The following EPHA1 variants were observed in gnomAD, a reference collection of about 807,000 sequenced individuals.
The protein encoded by EPHA1 is EPH receptor A1.
A neutral mutation model predicts 110.1 loss-of-function variants in EPHA1; 92 were observed. The ratio of observed to expected loss-of-function variants is 0.84; its 90% CI spans 0.71 to 0.99. EPHA1 has a LOEUF of 0.99. Among genes scored for constraint, EPHA1 ranks in the 50% least tolerant of loss-of-function variants. The probability of loss-of-function intolerance (pLI) is 0.00; values close to 1 mark genes in which losing one functional copy is unlikely to be tolerated. For synonymous variants in EPHA1, 500 were observed against 516.1 expected (o/e 0.97, Z 0.42); for missense variants, 1,204 against 1,285.4 (o/e 0.94, Z 0.97).
intron 2 of EPHA1, 116 bp downstream of exon 2, chr7:143,407,495 G>T: frequency 9.8e-7 from 1 of 1,017,228 alleles, no homozygotes. Context: ...CCCCCTCCCT[G>T]AGGAGACACT....
Position 143,397,503 on chromosome 7 carries a change from T to C in EPHA1, c.1712+58A>G, listed in dbSNP as rs1805287062. 4.4e-6 allele frequency: 7 copies of C among 1,595,330 alleles called. No individual in the cohort carries two copies. The Admixed American group carries it at 1.2e-4, about 27-fold the overall frequency. On this transcript the variant is annotated intron_variant, in intron 9 of 17. Coordinates refer to ENST00000275815, the MANE Select transcript of EPHA1 (RefSeq NM_005232.5). ...TAGGGGATGGGAGGGTCGTTGGGGC[T>C]GCAGTCAGGGGCTTCTGACCCAGGG...
At position 143,397,545 on chromosome 7, in the gene EPHA1, G is replaced by C. The variant is rs185706866; in HGVS notation, c.1712+16C>G. Reference sequence around the variant, plus strand: ...GACCCAGGGCTGGTGGTTGGGGAGGGGGCAGGAGCTGGCACCTGGACCGGA... The same window carrying C: ...GACCCAGGGCTGGTGGTTGGGGAGGCGGCAGGAGCTGGCACCTGGACCGGA... On this transcript the variant is annotated intron_variant, in intron 9 of 17. Transcript: ENST00000275815. The C allele has an allele frequency of 1.9e-6, 3 of 1,613,792 alleles. No homozygotes were observed. The highest frequency in any genetic ancestry group is 1.3e-5 in the African/African-American group (1 of 75,020).
At position 143,408,825 on chromosome 7, in the gene EPHA1, G is replaced by T; in HGVS notation, c.-20C>A. 3 of 1,197,556 alleles carry T rather than the reference G, an allele frequency of 2.5e-6. No homozygotes were observed. The highest frequency in any genetic ancestry group is 3.1e-6 in the Non-Finnish European group (3 of 967,186). The allele number at this position is 1,197,556 out of a possible 1,614,324, so 74.2% of individuals were successfully genotyped here. On this transcript the variant is annotated 5_prime_UTR_variant, in exon 1 of 18. Transcript: ENST00000275815. The stretch of plus-strand genomic sequence containing the variant: ...CTCCATAGCTCCGGGCCGGGACCTG[G>T]GACAGTGGCCCGGATGGCAGCGCCA...
At chr7:143,392,949 A>G (rs1305522181) in intron 16 of EPHA1, among the ~76,000 whole-genome samples, 2 of 151,048 alleles carry the variant, frequency 1.3e-5, no homozygotes, top group Admixed American at 6.6e-5. Flanking sequence ...CTCGGGGTGG[A>G]AAAAAAAACA....
chr7:143,404,444 C>G (rs941173568), intron 2 of EPHA1, among the ~76,000 whole-genome samples: 3 of 152,096 alleles, frequency 2.0e-5, no homozygotes, highest in African/African-American at 4.8e-5. Context: ...GTCTCGATCT[C>G]CTGACCTCAG....
At position 143,407,602 on chromosome 7, in the gene EPHA1, G is replaced by A. The variant is rs758810880; in HGVS notation, c.150+9C>T. On this transcript the variant is annotated intron_variant, in intron 2 of 17. Coordinates refer to ENST00000275815, the MANE Select transcript of EPHA1 (RefSeq NM_005232.5). ...GTTTTCCAAGATCCTTCCCTCTTCC[G>A]ACACTTACCCCATCTTTTGGGGGAT... The A allele has an allele frequency of 2.5e-5, 41 of 1,611,960 alleles. No homozygotes were observed. Among genetic ancestry groups the A allele is most frequent in the Non-Finnish European group, 3.4e-5 (40 of 1,179,076 alleles).
rs1805256548 is a variant in EPHA1 at position 143,396,524 on chromosome 7, A to G, written c.1772-14T>C. The G allele has an allele frequency of 6.2e-7, 1 of 1,613,288 alleles. No individual in the cohort carries two copies. The highest frequency in any genetic ancestry group is 8.5e-7 in the Non-Finnish European group (1 of 1,179,466). On this transcript the variant is annotated splice_polypyrimidine_tract_variant and intron_variant, in intron 10 of 17. Transcript: ENST00000275815. ...ACAGCTTGTCCTCTATGGGCAGAAC[A>G]TGAGGTTGGGGAGTACCAACATCAG...
In EPHA1 at chr7:143,393,577, C is replaced by T; in HGVS notation, c.2696+94G>A. On this transcript the variant is annotated intron_variant, in intron 16 of 17. Transcript: ENST00000275815. This position sits in a 1 kb window ranked among gnomAD's most constrained non-coding sequence, Gnocchi z 5.6. ...TACACTGGACTTGGTCCAGAGCTCC[C>T]CAGGCCCAGCGCTCAAAGAAGATTG... 3 of 1,433,592 alleles carry T rather than the reference C, an allele frequency of 2.1e-6. No homozygotes were observed. The highest frequency in any genetic ancestry group is 2.5e-4 in the Middle Eastern group (1 of 3,954). The allele number at this position is 1,433,592 out of a possible 1,614,324, so 88.8% of individuals were successfully genotyped here.
rs767701384 is a variant in EPHA1 at position 143,401,468 on chromosome 7, G to A, written c.288C>T (p.His96=). The change falls in exon 3 of 18, where the codon CAC becomes CAT. Residue 96 remains histidine (H), a synonymous_variant. Transcript: ENST00000275815. The surrounding 1 kb of genome is among the most constrained non-coding windows in gnomAD (Gnocchi z 4.1). ...CCCGCACGGTGAACTGCAGCTCCACGTGGACGCGGGAAGCCTCCTCCCCGC... is the reference window on the plus strand; with the variant it reads ...CCCGCACGGTGAACTGCAGCTCCACATGGACGCGGGAAGCCTCCTCCCCGC... ...IYRGEEASRV[H]VELQFTVRDC... The A allele has an allele frequency of 3.5e-5, 57 of 1,613,972 alleles. No individual in the cohort carries two copies. The highest frequency in any genetic ancestry group is 5.0e-5 in the Admixed American group (3 of 60,010).
intron 2 of EPHA1, among the ~76,000 whole-genome samples, chr7:143,407,107 T>G (rs1395578655): frequency 6.6e-6 from 1 of 152,140 alleles, no homozygotes; most frequent in East Asian, 1.9e-4. Context: ...TGATGAAAGC[T>G]TTGGCTGGTC....
chr7:143,399,368 C>A lies in EPHA1; in HGVS notation c.881G>T (p.Cys294Phe), dbSNP rs1805352648. 9 of 1,610,216 alleles carry A rather than the reference C, an allele frequency of 5.6e-6. No individual in the cohort carries two copies. The highest frequency in any genetic ancestry group is 7.6e-6 in the Non-Finnish European group (9 of 1,178,364). Residue 294 changes from cysteine to phenylalanine, a missense_variant, in exon 5 of 18, where the codon TGT becomes TTT. Coordinates refer to ENST00000275815, the MANE Select transcript of EPHA1 (RefSeq NM_005232.5). ...SYRMDMDTPHCLTCPQQSTAE... is the reference protein window; with the variant it reads ...SYRMDMDTPHFLTCPQQSTAE... ...AGTGCTCTGCTGGGGGCACGTGAGA[C>A]AATGGGGTGTGTCCATGTCCATCCG...
intron 1 of EPHA1, among the ~76,000 whole-genome samples, chr7:143,408,304 G>T (rs1805612682): frequency 6.6e-6 from 1 of 152,184 alleles, no homozygotes; most frequent in Non-Finnish European, 1.5e-5. Flanking sequence ...CCTTCTCCCG[G>T]AGGCAGCTCC....
At position 143,397,922 on chromosome 7, in the gene EPHA1, G is replaced by A. The variant is rs760220358; in HGVS notation, c.1613C>T (p.Pro538Leu). The A allele has an allele frequency of 6.2e-7, 1 of 1,613,964 alleles. No homozygotes were observed. The change falls in exon 8 of 18, where the codon CCA becomes CTA. Residue 538 changes from proline to leucine, a missense_variant and splice_region_variant. Coordinates refer to ENST00000275815, the MANE Select transcript of EPHA1 (RefSeq NM_005232.5). Reference protein sequence around the residue: ...SPDHEFRTSPPVSRGLTGGEI... With the variant: ...SPDHEFRTSPLVSRGLTGGEI... ...GGGCAGAGCACAAGATACCCCACCT[G>A]GTGGGCTGGTCCGAAACTCATGATC... is the stretch of plus-strand genomic sequence containing the variant.
intron 1 of EPHA1, 193 bp from the exon 2 acceptor site, chr7:143,407,871 G>T (rs969841203): frequency 8.9e-6 from 4 of 449,016 alleles, no homozygotes; most frequent in African/African-American, 8.1e-5. Flanking sequence ...ACTCTTCTTT[G>T]TGTGTGTGAA....
rs148751554 is a variant in EPHA1 at position 143,397,921 on chromosome 7, T to C, written c.1614A>G (p.Pro538=). 3.8e-5 allele frequency: 62 copies of C among 1,613,904 alleles called. No homozygotes were observed. The highest frequency in any genetic ancestry group is 4.9e-5 in the Non-Finnish European group (58 of 1,179,838). The change falls in exon 8 of 18, where the codon CCA becomes CCG. Residue 538 remains proline, a splice_region_variant and synonymous_variant. Coordinates refer to ENST00000275815, the MANE Select transcript of EPHA1 (RefSeq NM_005232.5). The part of the protein sequence containing the change: ...SPDHEFRTSP[P]VSRGLTGGEI... ...GGGGCAGAGCACAAGATACCCCACC[T>C]GGTGGGCTGGTCCGAAACTCATGAT... is the stretch of plus-strand genomic sequence containing the variant.
chr7:143,404,463 C>T (rs1805493156), intron 2 of EPHA1, among the ~76,000 whole-genome samples: 1 of 152,036 alleles, frequency 6.6e-6, no homozygotes, highest in Non-Finnish European at 1.5e-5. Flanking sequence ...AGGATCCGCC[C>T]GCCTCGGCCT....
At position 143,398,460 on chromosome 7, in the gene EPHA1, G is replaced by A. The variant is rs1805322080; in HGVS notation, c.1337-12C>T. ...GCCTGACAGTGACTCTGGGGGTCCA[G>A]AGGGATAAGGTTGGATATGTAAGGA... On this transcript the variant is annotated splice_polypyrimidine_tract_variant and intron_variant, in intron 6 of 17. Coordinates refer to ENST00000275815, the MANE Select transcript of EPHA1 (RefSeq NM_005232.5). 1.2e-6 allele frequency: 2 copies of A among 1,614,010 alleles called. No homozygotes were observed. The highest frequency in any genetic ancestry group is 1.7e-6 in the Non-Finnish European group (2 of 1,180,000).
intron 7 of EPHA1, 79 bp from the exon 8 acceptor site, chr7:143,398,149 G>A: frequency 1.3e-6 from 2 of 1,591,626 alleles, no homozygotes; most frequent in South Asian, 2.3e-5. Flanking sequence ...AGAGCACATG[G>A]GGAGGGGCTG....
chr7:143,394,478 T>C lies in EPHA1; in HGVS notation c.2353-135A>G, dbSNP rs899998434. ...GCTCTGTTGCTAGGCTGCAGTGCAGTGGCGCAATCTCGGCTCACTGCAACC... is the reference window on the plus strand; with the variant it reads ...GCTCTGTTGCTAGGCTGCAGTGCAGCGGCGCAATCTCGGCTCACTGCAACC... On this transcript the variant is annotated intron_variant, in intron 14 of 17. Transcript: ENST00000275815. The C allele has an allele frequency of 9.6e-6, 11 of 1,143,166 alleles. No homozygotes were observed. The African/African-American group carries it at 1.6e-4, about 16-fold the overall frequency. The allele number at this position is 1,143,166 out of a possible 1,614,324, so 70.8% of individuals were successfully genotyped here. A position where few individuals can be genotyped will look rare whatever the true frequency, so the allele number is the denominator to read the frequency against.
Sources: gnomAD v4.1 joint callset for allele counts (sites outside exome capture counted in the v4.1 genomes callset) on GRCh38, gnomAD v4.1.1 for gene constraint, Gnocchi (gnomAD v3.1) non-coding constraint, MANE v1.5 for transcripts, NCBI Gene and HGNC (gene_info 2026-07-23, HGNC 2026-07-21) for gene names.